The following TRAPPC10 variants were observed in gnomAD, a reference collection of about 807,000 sequenced individuals.
The protein encoded by TRAPPC10 is trafficking protein particle complex subunit 10.
A neutral mutation model predicts 125.5 loss-of-function variants in TRAPPC10; 23 were observed. The ratio of observed to expected loss-of-function variants is 0.18; its 90% confidence interval spans 0.13 to 0.26. TRAPPC10 has a LOEUF of 0.26. TRAPPC10 is among the 10% of genes least tolerant of loss of function. The pLI is 1.00. For synonymous variants in TRAPPC10, 509 were observed against 518.0 expected, an observed-to-expected ratio of 0.98 and a Z score of 0.24; for missense variants, 1,123 against 1,308.4, an observed-to-expected ratio of 0.86 and a Z score of 2.19.
chr21:44,046,802 C>T (rs2034852381), intron 3 of TRAPPC10: 1 of 534,730 alleles, frequency 1.9e-6, no homozygotes, highest in Non-Finnish European at 3.5e-6. Context: ...GCCACCGCAC[C>T]CGGCCACCTT....
At position 44,037,837 on chromosome 21, in the gene TRAPPC10, T is replaced by C; in HGVS notation, c.195T>C (p.Phe65=). 1 of 1,614,198 alleles carries C rather than the reference T, an allele frequency of 6.2e-7. No individual in the cohort carries two copies. ...AGATGATTCACCTAGAGTCTAACTT[T>C]GTTCAATTCAAAGAGGAGCTGCTGC... ...APKMIHLESN[F]VQFKEELLPK... Residue 65 remains phenylalanine (F), a synonymous_variant, in exon 3 of 23, where the codon TTT becomes TTC. Transcript: ENST00000291574.
At position 44,054,322 on chromosome 21, in the gene TRAPPC10, G is replaced by A. The variant is rs949348346; in HGVS notation, c.483-1376G>A. On this transcript the variant is annotated intron_variant, in intron 4 of 22. Transcript: ENST00000291574. Reference sequence around the variant, plus strand: ...CTTCTTGGTTCTGGTTGTTCACATGGTGGAACATGTAGAGTGTATGCTGCT... The same window carrying A: ...CTTCTTGGTTCTGGTTGTTCACATGATGGAACATGTAGAGTGTATGCTGCT... Among the ~76,000 whole-genome samples, 5 of 152,270 alleles carry A rather than the reference G, an allele frequency of 3.3e-5. No homozygotes were observed. The East Asian group carries it at 7.7e-4, about 24-fold the overall frequency.
At chr21:44,069,920 G>A (rs962375615) in intron 7 of TRAPPC10, among the ~76,000 whole-genome samples, 3 of 151,784 alleles carry the variant, frequency 2.0e-5, no homozygotes, top group African/African-American at 7.3e-5. Context: ...CTGAGATGGA[G>A]TCTTGCTCTG....
At chr21:44,053,359 G>GT (rs1296983404) in intron 4 of TRAPPC10, among the ~76,000 whole-genome samples, 1 of 151,816 alleles carries the variant, frequency 6.6e-6, no homozygotes, top group Non-Finnish European at 1.5e-5. Context: ...GTTTATACTT[G>GT]TTTTTTTCAC....
At chr21:44,042,995 A>G (rs1174127633) in intron 3 of TRAPPC10, among the ~76,000 whole-genome samples, 1 of 152,058 alleles carries the variant, frequency 6.6e-6, no homozygotes, top group African/African-American at 2.4e-5. Context: ...TTATTTATAT[A>G]TATTAGGAGC....
chr21:44,077,043 G>T (rs1273353443), intron 10 of TRAPPC10, among the ~76,000 whole-genome samples: 1 of 152,136 alleles, frequency 6.6e-6, no homozygotes, highest in Admixed American at 6.5e-5. Flanking sequence ...GTCATTCCCG[G>T]GTCATGGGCA....
intron 2 of TRAPPC10, among the ~76,000 whole-genome samples, chr21:44,032,633 C>T (rs947526598): frequency 9.2e-5 from 14 of 152,284 alleles, no homozygotes; most frequent in South Asian, 2.1e-4. Flanking sequence ...CCGCCCTCCT[C>T]GGCCTCTCAA....
At chr21:44,017,591 G>GA (rs945853959) in intron 1 of TRAPPC10, among the ~76,000 whole-genome samples, 5 of 151,542 alleles carry the variant, frequency 3.3e-5, no homozygotes, top group East Asian at 3.9e-4. Context: ...AGAGCTGTTT[G>GA]AAAAAAAATA....
At chr21:44,066,620 C>T (rs758848139) in intron 7 of TRAPPC10, among the ~76,000 whole-genome samples, 11 of 152,050 alleles carry the variant, frequency 7.2e-5, no homozygotes, top group Non-Finnish European at 1.3e-4. Flanking sequence ...AAGAAAATGT[C>T]GTTGCTTTTG....
intron 7 of TRAPPC10, among the ~76,000 whole-genome samples, chr21:44,067,050 C>A (rs2036505840): frequency 6.6e-6 from 1 of 152,176 alleles, no homozygotes; most frequent in Non-Finnish European, 1.5e-5. Flanking sequence ...GTGTTTCATT[C>A]AGCGTTTGAC....
At chr21:44,032,706 A>G (rs938904952) in intron 2 of TRAPPC10, among the ~76,000 whole-genome samples, 3 of 152,190 alleles carry the variant, frequency 2.0e-5, no homozygotes, top group African/African-American at 7.2e-5. Context: ...TTAACGAGAC[A>G]TTGGAAAGTA....
intron 1 of TRAPPC10, among the ~76,000 whole-genome samples, 190 bp downstream of exon 1, chr21:44,012,750 C>T (rs982861073): frequency 1.1e-4 from 16 of 152,180 alleles, no homozygotes; most frequent in African/African-American, 3.4e-4. Context: ...GACCTTCCCG[C>T]CGGGCGACCT....
intron 15 of TRAPPC10, among the ~76,000 whole-genome samples, chr21:44,084,771 C>T (rs1294779665): frequency 1.3e-5 from 2 of 152,208 alleles, no homozygotes; most frequent in Admixed American, 6.5e-5. Context: ...TTTGCTTGTG[C>T]TCCTGACCAA....
chr21:44,020,110 T>TTTTTC (rs952392452), intron 1 of TRAPPC10, among the ~76,000 whole-genome samples: 4 of 151,956 alleles, frequency 2.6e-5, no homozygotes, highest in Non-Finnish European at 4.4e-5. Flanking sequence ...TGTTTGGACA[T>TTTTTC]TTTTCTTTTC....
chr21:44,050,311 TTGAC>T (rs570598430), intron 3 of TRAPPC10, among the ~76,000 whole-genome samples: 283 of 152,054 alleles, frequency 1.9e-3, no homozygotes, highest in Non-Finnish European at 3.2e-3. Context: ...TTCCTGCAAA[TTGAC>T]TGAGCAGAGC....
At chr21:44,046,506 G>GTTTTTT (rs369274987) in intron 3 of TRAPPC10, 2 of 149,562 alleles carry the variant, frequency 1.3e-5, no homozygotes, top group South Asian at 1.3e-4. Context: ...TTACCTTTAA[G>GTTTTTT]TTTTTTTTTT....
chr21:44,017,954 C>A (rs145532959), intron 1 of TRAPPC10, among the ~76,000 whole-genome samples: 132 of 152,134 alleles, frequency 8.7e-4, no homozygotes, highest in Non-Finnish European at 1.5e-3. Flanking sequence ...TGTGGGAAGC[C>A]TAGGTACACA....
intron 5 of TRAPPC10, among the ~76,000 whole-genome samples, chr21:44,058,336 C>T (rs997787922): frequency 7.6e-6 from 1 of 130,932 alleles, no homozygotes; most frequent in African/African-American, 2.9e-5. Flanking sequence ...GCCACGCACA[C>T]GTGAGCAGCG....
intron 2 of TRAPPC10, among the ~76,000 whole-genome samples, chr21:44,032,833 C>T (rs1379078917): frequency 6.6e-6 from 1 of 152,224 alleles, no homozygotes. Flanking sequence ...GACACGTGCT[C>T]ACTTAGACTC....
Sources: allele counts gnomAD v4.1 joint callset (sites outside exome capture counted in the v4.1 genomes callset), GRCh38; gene constraint gnomAD v4.1.1; transcripts MANE v1.5; gene names NCBI Gene and HGNC (gene_info 2026-07-23, HGNC 2026-07-21).